The following TG variants were observed in gnomAD, a reference collection of about 807,000 sequenced individuals.
TG encodes the protein thyroglobulin.
TG carries 270 observed loss-of-function variants against 324.7 expected under a neutral mutation model. The ratio of observed to expected loss-of-function variants is 0.83; its 90% CI spans 0.75 to 0.92. TG has a LOEUF of 0.92. Ranked by LOEUF, TG falls within the 40% of genes least tolerant of loss-of-function variation. TG has a pLI of 0.00. For missense variants in TG, 3,591 were observed against 3,456.4 expected (o/e 1.04, Z -0.98); for synonymous variants, 1,401 against 1,327.0 (o/e 1.06, Z -1.21).
At chr8:133,130,445 C>G (rs1851851575) in intron 45 of TG, among the ~76,000 whole-genome samples, 1 of 152,152 alleles carries the variant, frequency 6.6e-6, no homozygotes, top group South Asian at 2.1e-4. Flanking sequence ...CATGAGTGCT[C>G]TAAGCAGGGG....
intron 41 of TG, among the ~76,000 whole-genome samples, chr8:133,087,197 A>G (rs1429610104): frequency 6.6e-6 from 1 of 151,068 alleles, no homozygotes. Context: ...TGTAATTTTA[A>G]TTTTCTTTGT....
rs61744749 is a variant in TG at position 132,941,495 on chromosome 8, A to C, written c.5186A>C (p.Asp1729Ala). The change falls in exon 26 of 48, where the codon GAC (aspartate) becomes GCC (alanine). Residue 1729 changes from aspartate (D) to alanine (A), a missense_variant. Coordinates refer to ENST00000220616, the MANE Select transcript of TG (RefSeq NM_003235.5). The stretch of plus-strand genomic sequence containing the variant: ...CACCTCTTCTGTCTTCTTGCATGCG[A>C]CCGTGATCTGTGTTGCGATGGCTTC... ...DAHLFCLLAC[D>A]RDLCCDGFVL... 4.5e-3 allele frequency: 7,273 copies of C among 1,614,110 alleles called. 288 individuals carry two copies. In the African/African-American group the frequency reaches 0.085, roughly 19 times the overall value.
intron 41 of TG, among the ~76,000 whole-genome samples, chr8:133,044,684 G>T (rs544304413): frequency 6.6e-6 from 1 of 152,270 alleles, no homozygotes; most frequent in South Asian, 2.1e-4. Flanking sequence ...GAATATGTAT[G>T]GCCCACTTAA....
intron 4 of TG, among the ~76,000 whole-genome samples, chr8:132,872,705 ATTCT>A (rs768692279): frequency 6.6e-6 from 1 of 152,090 alleles, no homozygotes; most frequent in Non-Finnish European, 1.5e-5. Flanking sequence ...CAGGTGTACT[ATTCT>A]TTATCTTTTA....
At position 132,972,726 on chromosome 8, in the gene TG, T is replaced by A; in HGVS notation, c.6184T>A (p.Trp2062Arg). The change falls in exon 34 of 48, where the codon TGG becomes AGG. Residue 2062 changes from tryptophan to arginine, a missense_variant. Physicochemically the swap from Trp to Arg is moderately radical, Grantham distance 101 (BLOSUM62 -3). Transcript: ENST00000220616. ...DIEVHTYPFG[W>R]YQKPIAQNNA... ...TGAAGTCCACACCTATCCCTTCGGA[T>A]GGTACCAGAAGCCCAGTAAGTACCC... 6.2e-7 allele frequency: 1 copy of A among 1,614,146 alleles called. No homozygotes were observed.
chr8:132,884,552 G>A (rs984054832), intron 8 of TG, among the ~76,000 whole-genome samples: 3 of 152,122 alleles, frequency 2.0e-5, no homozygotes, highest in Non-Finnish European at 4.4e-5. Context: ...ATTCTTCATG[G>A]TATGTGGTTA....
At chr8:132,990,486 A>G (rs942472531) in intron 35 of TG, among the ~76,000 whole-genome samples, 2 of 152,036 alleles carry the variant, frequency 1.3e-5, no homozygotes, top group Admixed American at 6.6e-5. Context: ...ATTGTTAGCC[A>G]TCTTCCCACT....
chr8:133,119,010 A>G (rs529035926), intron 45 of TG, among the ~76,000 whole-genome samples: 90 of 152,316 alleles, frequency 5.9e-4, no homozygotes, highest in African/African-American at 2.0e-3. Context: ...TGTGGCCACA[A>G]GGAAGGAATG....
intron 20 of TG, among the ~76,000 whole-genome samples, chr8:132,914,373 T>G (rs1819989292): frequency 6.6e-6 from 1 of 152,206 alleles, no homozygotes; most frequent in Non-Finnish European, 1.5e-5. Context: ...TTTTTTCAAT[T>G]ATTTATGTTG....
chr8:132,968,053 C>G, intron 31 of TG, 83 bp downstream of exon 31: 1 of 1,495,488 alleles, frequency 6.7e-7, no homozygotes, highest in Non-Finnish European at 9.1e-7. Flanking sequence ...ACATTAGTTT[C>G]TTATTTAAAA....
chr8:133,055,869 G>T (rs1249026112), intron 41 of TG, among the ~76,000 whole-genome samples: 1 of 144,568 alleles, frequency 6.9e-6, no homozygotes, highest in African/African-American at 2.6e-5. Context: ...AGCAGCAGCA[G>T]CAGGGCGCAC....
intron 41 of TG, among the ~76,000 whole-genome samples, chr8:133,065,142 T>C (rs369836963): frequency 1.3e-5 from 2 of 152,264 alleles, no homozygotes; most frequent in East Asian, 3.9e-4. Flanking sequence ...GTCCACCATA[T>C]ATGTGAATGC....
At chr8:132,963,101 A>G (rs1828003807) in intron 29 of TG, 27 bp downstream of exon 29, 1 of 1,605,380 alleles carries the variant, frequency 6.2e-7, no homozygotes, top group Non-Finnish European at 8.5e-7. Context: ...CTTCTTACAC[A>G]CTTGGGTGTC....
intron 41 of TG, chr8:133,047,007 G>A (rs1459033714): frequency 6.6e-5 from 10 of 152,056 alleles, no homozygotes; most frequent in Non-Finnish European, 2.9e-5. Context: ...TTTTAAAAAA[G>A]TTATTATTAT....
chr8:132,983,475 C>A, intron 35 of TG, 63 bp downstream of exon 35: 1 of 1,508,370 alleles, frequency 6.6e-7, no homozygotes, highest in Non-Finnish European at 9.2e-7. Context: ...TCTTTCTCCT[C>A]TTCCCCCTTG....
rs872645 is a variant in TG, at chr8:133,079,500, G to A, written c.7240-15544G>A. On this transcript the variant is annotated intron_variant, in intron 41 of 47. Transcript: ENST00000220616. ...ACATGTGTTGATGGGTTTCCCAGGG[G>A]AAGCAATAAAAAGCCACTTCTCCAG... Among the ~76,000 whole-genome samples, 1,007 of 152,090 alleles carry A rather than the reference G, an allele frequency of 6.6e-3. 13 individuals are homozygous for A. Among genetic ancestry groups the A allele is most frequent in the African/African-American group, 0.023 (974 of 41,484 alleles).
chr8:132,909,947 C>A (rs954430939), intron 18 of TG, among the ~76,000 whole-genome samples: 2 of 152,178 alleles, frequency 1.3e-5, no homozygotes, highest in African/African-American at 4.8e-5. Context: ...ATGAGAGTCC[C>A]AACTCCATAG....
intron 35 of TG, among the ~76,000 whole-genome samples, chr8:133,008,232 G>T (rs889228439): frequency 2.6e-5 from 4 of 152,108 alleles, no homozygotes; most frequent in Non-Finnish European, 4.4e-5. Flanking sequence ...CCAAAAGAAT[G>T]AATAGCCAAG....
chr8:132,922,593 A>C (rs2132471912), intron 21 of TG, among the ~76,000 whole-genome samples: 1 of 152,326 alleles, frequency 6.6e-6, no homozygotes, highest in South Asian at 2.1e-4. Flanking sequence ...GTCTTAGTCC[A>C]TTTGGGCTGC....
Sources: allele counts gnomAD v4.1 joint callset (sites outside exome capture counted in the v4.1 genomes callset), GRCh38; gene constraint gnomAD v4.1.1; transcripts MANE v1.5; gene names NCBI Gene and HGNC (gene_info 2026-07-23, HGNC 2026-07-21).